PTPRK: variants seen among roughly 807,000 people sequenced by gnomAD.
The protein encoded by PTPRK is protein tyrosine phosphatase receptor type K, also known as receptor-type tyrosine-protein phosphatase kappa.
Under a neutral mutation model 178.0 loss-of-function variants are expected in PTPRK, and 75 were observed. The observed-to-expected ratio is 0.42, with a 90% CI of 0.35 to 0.51. The LOEUF is 0.51. PTPRK is among the 20% of genes least tolerant of loss of function. PTPRK has a pLI of 0.02. For missense variants in PTPRK, 1,441 were observed against 1,797.8 expected (o/e 0.80, Z 3.59); for synonymous variants, 637 against 620.6 (o/e 1.03, Z -0.39).
intron 7 of PTPRK, among the ~76,000 whole-genome samples, chr6:128,125,321 CAT>C (rs1436571471): frequency 1.3e-5 from 2 of 152,208 alleles, no homozygotes; most frequent in African/African-American, 4.8e-5. Context: ...ATACTGTCCT[CAT>C]GATAGTGAGT....
chr6:128,403,381 A>T (rs1841267415), intron 1 of PTPRK, among the ~76,000 whole-genome samples: 1 of 152,238 alleles, frequency 6.6e-6, no homozygotes, highest in Non-Finnish European at 1.5e-5. Flanking sequence ...TGGGCCATAC[A>T]TCATCCACGC....
At chr6:128,016,818 G>T (rs1406875567) in intron 13 of PTPRK, among the ~76,000 whole-genome samples, 1 of 151,760 alleles carries the variant, frequency 6.6e-6, no homozygotes, top group Non-Finnish European at 1.5e-5. Flanking sequence ...TACATATCCA[G>T]TTACCTGTGC....
chr6:128,245,122 G>T (rs144881275), intron 3 of PTPRK, among the ~76,000 whole-genome samples: 1 of 152,038 alleles, frequency 6.6e-6, no homozygotes, highest in South Asian at 2.1e-4. Flanking sequence ...ACAATCACAC[G>T]AGGTAGGTAT....
intron 1 of PTPRK, among the ~76,000 whole-genome samples, chr6:128,486,320 T>C (rs1393650035): frequency 1.3e-5 from 2 of 152,122 alleles, no homozygotes; most frequent in African/African-American, 4.8e-5. Context: ...TCAACATCCC[T>C]CTTCTGCTTT....
chr6:127,996,854 A>G lies in PTPRK; in HGVS notation c.2767+47T>C, dbSNP rs767690279. 4 of 1,574,132 alleles carry G rather than the reference A, an allele frequency of 2.5e-6. No individual in the cohort carries two copies. In the South Asian group the frequency reaches 3.5e-5, roughly 14 times the overall value. On this transcript the variant is annotated intron_variant, in intron 17 of 29. Transcript: ENST00000368226. ...GATTTTTCTTAAAGTTTAAAACCAT[A>G]TAAGCATATAATATTTACATTCACC...
At chr6:128,467,386 T>C (rs1259107318) in intron 1 of PTPRK, among the ~76,000 whole-genome samples, 2 of 152,192 alleles carry the variant, frequency 1.3e-5, no homozygotes, top group Non-Finnish European at 2.9e-5. Context: ...AAGTAAACCC[T>C]GCACATAGAT....
At chr6:128,136,421 G>A (rs374592811) in intron 7 of PTPRK, among the ~76,000 whole-genome samples, 6 of 152,268 alleles carry the variant, frequency 3.9e-5, no homozygotes, top group Admixed American at 6.5e-5. Context: ...ATCTAGGATC[G>A]GAATGTGTAA....
chr6:128,307,343 C>T (rs995637208), intron 3 of PTPRK, among the ~76,000 whole-genome samples: 3 of 150,310 alleles, frequency 2.0e-5, no homozygotes, highest in Non-Finnish European at 3.0e-5. Context: ...AACCCAAAGT[C>T]ATCAAATATT....
chr6:128,023,835 C>T (rs1304698506), intron 13 of PTPRK, among the ~76,000 whole-genome samples: 3 of 141,260 alleles, frequency 2.1e-5, no homozygotes, highest in Non-Finnish European at 3.1e-5. Flanking sequence ...TTCTTTCTTT[C>T]TTTTTTTTTT....
intron 13 of PTPRK, 144 bp downstream of exon 13, chr6:128,064,614 T>C: frequency 2.1e-6 from 2 of 959,158 alleles, no homozygotes; most frequent in Non-Finnish European, 2.9e-6. Flanking sequence ...TAGCACCCCA[T>C]TAGTTGTTAA....
intron 3 of PTPRK, among the ~76,000 whole-genome samples, chr6:128,311,667 G>A (rs1010558209): frequency 1.3e-5 from 2 of 151,964 alleles, no homozygotes; most frequent in Admixed American, 1.3e-4. Context: ...GCCCACCATA[G>A]TAGCTCAATT....
intron 7 of PTPRK, among the ~76,000 whole-genome samples, chr6:128,139,730 A>T (rs2114503424): frequency 6.6e-6 from 1 of 152,172 alleles, no homozygotes; most frequent in Admixed American, 6.6e-5. Context: ...TTCAGAATCA[A>T]CATCCAGGAG....
intron 7 of PTPRK, among the ~76,000 whole-genome samples, chr6:128,124,299 C>T (rs1228554106): frequency 6.6e-6 from 1 of 152,142 alleles, no homozygotes; most frequent in Non-Finnish European, 1.5e-5. Context: ...CCACCCACCA[C>T]GGCCTCCCAA....
intron 10 of PTPRK, among the ~76,000 whole-genome samples, chr6:128,080,614 T>A (rs116938321): frequency 0.028 from 4,330 of 152,196 alleles, 116 homozygotes; most frequent in Non-Finnish European, 0.046. Flanking sequence ...TGTGTGTATA[T>A]GTGTGTATGT....
In PTPRK at chr6:128,504,119, G is replaced by A. The variant is rs148695150; in HGVS notation, c.100+16140C>T. Among the ~76,000 whole-genome samples the A allele has an allele frequency of 1.2e-4, 19 of 152,160 alleles. No homozygotes were observed. In the East Asian group the frequency reaches 2.9e-3, roughly 23 times the overall value. ...TCATTGCTCACATAAAAGACAACAC[G>A]TGATGTAACTGCAATGCCAACAAAT... On this transcript the variant is annotated intron_variant, in intron 1 of 29. Transcript: ENST00000368226.
At chr6:128,323,985 C>T (rs1328048290) in intron 2 of PTPRK, among the ~76,000 whole-genome samples, 4 of 152,026 alleles carry the variant, frequency 2.6e-5, no homozygotes, top group Admixed American at 1.3e-4. Context: ...TGTTTCTATT[C>T]TTTATTATAT....
At chr6:128,101,815 T>G (rs935455947) in intron 7 of PTPRK, among the ~76,000 whole-genome samples, 1 of 152,212 alleles carries the variant, frequency 6.6e-6, no homozygotes, top group African/African-American at 2.4e-5. Context: ...CCAACATATG[T>G]ACCATTATCT....
chr6:128,148,224 G>T (rs1372142813), intron 7 of PTPRK, among the ~76,000 whole-genome samples: 1 of 152,068 alleles, frequency 6.6e-6, no homozygotes, highest in African/African-American at 2.4e-5. Flanking sequence ...TCAGAGTTTT[G>T]CTATTTGGTA....
At chr6:128,005,306 A>G in intron 14 of PTPRK, 62 bp from the exon 15 acceptor site, 5 of 1,522,336 alleles carry the variant, frequency 3.3e-6, no homozygotes, top group Non-Finnish European at 4.5e-6. Flanking sequence ...AGTTAACACC[A>G]GCAATAAATA....
Sources: allele counts gnomAD v4.1 joint callset (sites outside exome capture counted in the v4.1 genomes callset), GRCh38; gene constraint gnomAD v4.1.1; transcripts MANE v1.5; gene names NCBI Gene and HGNC (gene_info 2026-07-23, HGNC 2026-07-21).